GRIK2: variants seen among roughly 807,000 people sequenced by gnomAD.
GRIK2 encodes glutamate ionotropic receptor kainate type subunit 2.
GRIK2 carries 32 observed loss-of-function variants against 100.3 expected under a neutral mutation model. The observed-to-expected ratio is 0.32, with a 90% CI of 0.24 to 0.43. The LOEUF (loss-of-function observed/expected upper bound fraction) is 0.43, where lower values mean the gene tolerates loss of function less well. Ranked by LOEUF, GRIK2 falls within the 20% of genes least tolerant of loss-of-function variation. The probability of loss-of-function intolerance (pLI) is 1.00; values close to 1 mark genes in which losing one functional copy is unlikely to be tolerated. For missense variants in GRIK2, 843 were observed against 1,114.9 expected, an observed-to-expected ratio of 0.76 and a Z score of 3.47; for synonymous variants, 417 against 389.4, an observed-to-expected ratio of 1.07 and a Z score of -0.83.
chr6:101,424,147 AT>A (rs1389695835), intron 2 of GRIK2, among the ~76,000 whole-genome samples: 4 of 151,502 alleles, frequency 2.6e-5, no homozygotes, highest in Non-Finnish European at 4.4e-5. Flanking sequence ...CTCTATCCAA[AT>A]TTTTTTTCTT....
intron 2 of GRIK2, among the ~76,000 whole-genome samples, chr6:101,478,638 C>T (rs892037219): frequency 1.1e-4 from 16 of 151,394 alleles, no homozygotes; most frequent in Admixed American, 9.9e-4. Context: ...CTCAGCCTCC[C>T]GAGTAGCTGG....
intron 14 of GRIK2, among the ~76,000 whole-genome samples, chr6:101,982,832 A>G (rs1793797546): frequency 6.6e-6 from 1 of 151,640 alleles, no homozygotes; most frequent in African/African-American, 2.4e-5. Context: ...ATGGCATCTC[A>G]TTGCAGCATG....
intron 2 of GRIK2, among the ~76,000 whole-genome samples, chr6:101,530,105 G>C (rs1400266464): frequency 6.6e-6 from 1 of 152,034 alleles, no homozygotes; most frequent in Admixed American, 6.6e-5. Flanking sequence ...TCTATATACA[G>C]TGGAATATGT....
chr6:101,629,107 A>G (rs1398834726), intron 4 of GRIK2, among the ~76,000 whole-genome samples: 1 of 152,124 alleles, frequency 6.6e-6, no homozygotes, highest in Non-Finnish European at 1.5e-5. Flanking sequence ...GGACATATGT[A>G]TAGCTAGTTG....
chr6:101,964,712 G>C (rs975355304), intron 14 of GRIK2, among the ~76,000 whole-genome samples: 1 of 152,100 alleles, frequency 6.6e-6, no homozygotes, highest in Non-Finnish European at 1.5e-5. Context: ...TTCTGGCCTG[G>C]GGAAGCTGTA....
chr6:101,569,985 A>C (rs897232900), intron 2 of GRIK2, among the ~76,000 whole-genome samples: 3 of 152,152 alleles, frequency 2.0e-5, no homozygotes, highest in African/African-American at 7.2e-5. Flanking sequence ...ATTGTGAAGC[A>C]CTAAAGCTTC....
At chr6:101,684,901 A>T (rs919301656) in intron 6 of GRIK2, among the ~76,000 whole-genome samples, 5 of 151,850 alleles carry the variant, frequency 3.3e-5, no homozygotes, top group African/African-American at 1.2e-4. Context: ...GAGTCTTATG[A>T]CCTCCTTTCT....
At chr6:101,983,091 C>T (rs954942011) in intron 14 of GRIK2, among the ~76,000 whole-genome samples, 1 of 151,760 alleles carries the variant, frequency 6.6e-6, no homozygotes, top group African/African-American at 2.4e-5. Context: ...CAATAAATGG[C>T]CACCTTATTA....
chr6:101,624,772 C>T (rs990807491), intron 3 of GRIK2, among the ~76,000 whole-genome samples: 5 of 151,984 alleles, frequency 3.3e-5, no homozygotes, highest in Admixed American at 3.3e-4. Flanking sequence ...TGGTCTGGCA[C>T]CCAGGTAGGC....
intron 12 of GRIK2, among the ~76,000 whole-genome samples, 196 bp from the exon 13 acceptor site, chr6:101,924,405 G>A (rs960221711): frequency 6.6e-6 from 1 of 152,108 alleles, no homozygotes; most frequent in African/African-American, 2.4e-5. Context: ...TTCTTACTGT[G>A]GAAATTAGCT....
At chr6:101,551,675 C>T (rs1768020513) in intron 2 of GRIK2, among the ~76,000 whole-genome samples, 1 of 152,068 alleles carries the variant, frequency 6.6e-6, no homozygotes. Context: ...AAGCCTCTGC[C>T]CCTATAAGAC....
intron 14 of GRIK2, among the ~76,000 whole-genome samples, chr6:101,980,081 G>A (rs1793624364): frequency 6.6e-6 from 1 of 151,886 alleles, no homozygotes; most frequent in Admixed American, 6.6e-5. Context: ...CTGGTGAGCG[G>A]GTGAGGAAAC....
intron 10 of GRIK2, 137 bp downstream of exon 10, chr6:101,818,620 G>A: frequency 1.7e-6 from 1 of 591,168 alleles, no homozygotes. Flanking sequence ...CAACAGATGA[G>A]TCAATGTTAA....
At chr6:101,819,175 T>C (rs1267575226) in intron 10 of GRIK2, among the ~76,000 whole-genome samples, 1 of 152,192 alleles carries the variant, frequency 6.6e-6, no homozygotes, top group Non-Finnish European at 1.5e-5. Flanking sequence ...GATAAGCAAA[T>C]AGCTCTTACA....
At chr6:101,653,844 CACCTG>C (rs1395761519) in intron 4 of GRIK2, among the ~76,000 whole-genome samples, 1 of 152,106 alleles carries the variant, frequency 6.6e-6, no homozygotes, top group Non-Finnish European at 1.5e-5. Context: ...TGGTCTCAAA[CACCTG>C]ACCTCAGGTG....
chr6:101,668,579 A>T (rs1486303391), intron 4 of GRIK2, among the ~76,000 whole-genome samples: 1 of 152,174 alleles, frequency 6.6e-6, no homozygotes, highest in African/African-American at 2.4e-5. Context: ...TGAAAAAAAA[A>T]AGATGATGAT....
At chr6:101,726,405 A>C (rs1774869484) in intron 7 of GRIK2, among the ~76,000 whole-genome samples, 1 of 152,030 alleles carries the variant, frequency 6.6e-6, no homozygotes, top group African/African-American at 2.4e-5. Flanking sequence ...AGAGAACTTA[A>C]TATATAATGT....
chr6:101,461,214 T>TA (rs2128252419), intron 2 of GRIK2, among the ~76,000 whole-genome samples: 1 of 152,322 alleles, frequency 6.6e-6, no homozygotes, highest in South Asian at 2.1e-4. Context: ...CTTAATGGTT[T>TA]AAAACAACAC....
chr6:101,414,346 A>G (rs1007697862), intron 2 of GRIK2, among the ~76,000 whole-genome samples: 3 of 152,192 alleles, frequency 2.0e-5, no homozygotes, highest in African/African-American at 7.2e-5. Flanking sequence ...GTATCAAATC[A>G]TAGTGATGCC....
Sources: gnomAD v4.1 joint callset for allele counts (sites outside exome capture counted in the v4.1 genomes callset) on GRCh38, gnomAD v4.1.1 for gene constraint, MANE v1.5 for transcripts, NCBI Gene and HGNC (gene_info 2026-07-23, HGNC 2026-07-21) for gene names.